The following COL22A1 variants were observed in gnomAD, a reference collection of about 807,000 sequenced individuals.
The protein encoded by COL22A1 is collagen alpha-1(XXII) chain.
In COL22A1, 221 loss-of-function variants were observed where a neutral mutation model predicts 248.9. The observed-to-expected ratio is 0.89, with a 90% CI of 0.80 to 0.99. The LOEUF is 0.99. COL22A1 is among the 50% of genes least tolerant of loss of function. The pLI, the probability that COL22A1 is intolerant of heterozygous loss-of-function variation, is 0.00. For missense variants in COL22A1, 2,240 were observed against 2,179.0 expected (o/e 1.03, Z -0.56); for synonymous variants, 891 against 793.4 (o/e 1.12, Z -2.07).
intron 41 of COL22A1, among the ~76,000 whole-genome samples, chr8:138,676,104 G>A (rs1825482683): frequency 6.6e-6 from 1 of 152,012 alleles, no homozygotes; most frequent in Non-Finnish European, 1.5e-5. Context: ...AGACTGATGT[G>A]AATTATTCAT....
chr8:138,822,722 G>C (rs1305150212), intron 6 of COL22A1, among the ~76,000 whole-genome samples: 1 of 152,114 alleles, frequency 6.6e-6, no homozygotes, highest in African/African-American at 2.4e-5. Context: ...TTGGAATGGA[G>C]ACCAGTGAGC....
At chr8:138,753,549 C>T (rs972081993) in intron 21 of COL22A1, among the ~76,000 whole-genome samples, 1 of 152,206 alleles carries the variant, frequency 6.6e-6, no homozygotes, top group Non-Finnish European at 1.5e-5. Flanking sequence ...CATGTCCTGT[C>T]TAATGGACCC....
intron 16 of COL22A1, among the ~76,000 whole-genome samples, chr8:138,766,067 A>G (rs768530678): frequency 6.6e-6 from 1 of 152,170 alleles, no homozygotes; most frequent in Non-Finnish European, 1.5e-5. Context: ...CAAGGGCTGG[A>G]CCCTAAATCC....
rs372708819 is a variant in COL22A1 at position 138,718,491 on chromosome 8, C to T, written c.2356-1622G>A. ...ATCCAAAGGCACAATGGAGGTGAAA[C>T]GGTATCTTCTTGAATTCTCGAAGTG... On this transcript the variant is annotated intron_variant, in intron 27 of 64. Transcript: ENST00000303045. 6.6e-5 allele frequency among the ~76,000 whole-genome samples: 10 copies of T among 152,324 alleles called. No individual in the cohort carries two copies. The South Asian group carries it at 8.3e-4, about 13-fold the overall frequency.
At chr8:138,639,567 G>T (rs1821485331) in intron 47 of COL22A1, among the ~76,000 whole-genome samples, 1 of 152,156 alleles carries the variant, frequency 6.6e-6, no homozygotes, top group South Asian at 2.1e-4. Flanking sequence ...AATTCCCCCT[G>T]TTGAAAATAA....
At chr8:138,749,688 G>A (rs1832425249) in intron 22 of COL22A1, among the ~76,000 whole-genome samples, 1 of 152,160 alleles carries the variant, frequency 6.6e-6, no homozygotes, top group Admixed American at 6.5e-5. Context: ...GGAGAGACCA[G>A]GTAACTTGCA....
chr8:138,805,875 T>TGTAA (rs2131654889), intron 10 of COL22A1, among the ~76,000 whole-genome samples: 1 of 143,252 alleles, frequency 7.0e-6, no homozygotes, highest in South Asian at 2.3e-4. Context: ...AGATGGTGTG[T>TGTAA]TTGTGTGTGA....
chr8:138,805,009 G>A (rs1428865318), intron 10 of COL22A1, among the ~76,000 whole-genome samples: 1 of 148,336 alleles, frequency 6.7e-6, no homozygotes, highest in Non-Finnish European at 1.5e-5. Flanking sequence ...AGGCAATGGT[G>A]TGTGGTGGTG....
chr8:138,722,654 C>A (rs1829961328), intron 25 of COL22A1, among the ~76,000 whole-genome samples: 1 of 152,128 alleles, frequency 6.6e-6, no homozygotes, highest in Admixed American at 6.5e-5. Context: ...TATGGCAGGA[C>A]AGGTGTTACT....
intron 56 of COL22A1, 87 bp from the exon 57 acceptor site, chr8:138,608,076 T>C: frequency 8.0e-7 from 1 of 1,243,922 alleles, no homozygotes; most frequent in Non-Finnish European, 1.2e-6. Flanking sequence ...GCACAGGACT[T>C]GGTTTTACAC....
At chr8:138,805,993 GGT>G (rs1215810832) in intron 10 of COL22A1, among the ~76,000 whole-genome samples, 22 of 67,148 alleles carry the variant, frequency 3.3e-4, no homozygotes, top group East Asian at 5.3e-4. Context: ...TGTGTGTGAT[GGT>G]GTGTGTGTGT....
intron 15 of COL22A1, among the ~76,000 whole-genome samples, chr8:138,777,180 T>C (rs1814542804): frequency 1.3e-5 from 2 of 152,166 alleles, no homozygotes; most frequent in South Asian, 2.1e-4. Flanking sequence ...ATGGAAAAGA[T>C]GGTAGAGATA....
chr8:138,690,605 G>A (rs1179659197), intron 36 of COL22A1, among the ~76,000 whole-genome samples: 1 of 152,124 alleles, frequency 6.6e-6, no homozygotes, highest in Non-Finnish European at 1.5e-5. Flanking sequence ...GATGCCAACA[G>A]CTGCGTTTAC....
chr8:138,760,078 A>T (rs1490608499), intron 18 of COL22A1, among the ~76,000 whole-genome samples, 165 bp downstream of exon 18: 4 of 152,166 alleles, frequency 2.6e-5, no homozygotes, highest in Admixed American at 1.3e-4. Context: ...ATAGCCAGAA[A>T]TGTCTTATGT....
At chr8:138,640,056 T>C (rs1821532984) in intron 47 of COL22A1, among the ~76,000 whole-genome samples, 1 of 152,248 alleles carries the variant, frequency 6.6e-6, no homozygotes, top group African/African-American at 2.4e-5. Flanking sequence ...TGATAGGTGG[T>C]TGTATCAGCT....
chr8:138,879,690 C>CAAA lies in COL22A1; in HGVS notation c.92-1377_92-1375dup, dbSNP rs372214665. ...TGGGTGACAGAGTGAGACACTCTCT[C>CAAA]AAAAAAAAAAAAAAAAAAAAAAAAG... On this transcript the variant is annotated intron_variant, in intron 2 of 64. Coordinates refer to ENST00000303045, the MANE Select transcript of COL22A1 (RefSeq NM_152888.3). 3.1e-3 allele frequency among the ~76,000 whole-genome samples: 307 copies of CAAA among 99,010 alleles called. 3 individuals carry two copies. The highest frequency in any genetic ancestry group is 5.7e-3 in the African/African-American group (129 of 22,476). 65.0% of individuals were successfully genotyped at this position (99,010 alleles called of 152,430 possible).
intron 41 of COL22A1, among the ~76,000 whole-genome samples, chr8:138,666,470 G>A (rs914511226): frequency 6.6e-6 from 1 of 152,200 alleles, no homozygotes; most frequent in African/African-American, 2.4e-5. Flanking sequence ...CCATTAAATA[G>A]CTTGGCTAAG....
At chr8:138,686,639 G>C (rs1323953135) in intron 37 of COL22A1, among the ~76,000 whole-genome samples, 2 of 152,108 alleles carry the variant, frequency 1.3e-5, no homozygotes, top group Admixed American at 1.3e-4. Flanking sequence ...CCAAATCCCG[G>C]GCCCGGCCCT....
intron 3 of COL22A1, among the ~76,000 whole-genome samples, chr8:138,873,776 T>C (rs1268336596): frequency 6.6e-6 from 1 of 152,182 alleles, no homozygotes; most frequent in African/African-American, 2.4e-5. Context: ...ATGAAGGGAA[T>C]GTTTACTATA....
Sources: allele counts gnomAD v4.1 joint callset (sites outside exome capture counted in the v4.1 genomes callset), GRCh38; gene constraint gnomAD v4.1.1; transcripts MANE v1.5; gene names NCBI Gene and HGNC (gene_info 2026-07-23, HGNC 2026-07-21).